The following RTN1 variants were observed in gnomAD, a reference collection of about 807,000 sequenced individuals.
The protein encoded by RTN1 is reticulon-1.
RTN1 carries 25 observed loss-of-function variants against 65.5 expected under a neutral mutation model. That is an observed-to-expected ratio of 0.38 (90% CI 0.28 to 0.53). The LOEUF is 0.53. Among genes scored for constraint, RTN1 ranks in the 20% least tolerant of loss-of-function variants. The pLI, the probability that RTN1 is intolerant of heterozygous loss-of-function variation, is 0.79. For missense variants in RTN1, 983 were observed against 1,025.4 expected, an observed-to-expected ratio of 0.96 and a Z score of 0.57; for synonymous variants, 471 against 447.6, an observed-to-expected ratio of 1.05 and a Z score of -0.66.
intron 1 of RTN1, among the ~76,000 whole-genome samples, chr14:59,820,006 G>A (rs1886911341): frequency 6.6e-6 from 1 of 152,234 alleles, no homozygotes; most frequent in African/African-American, 2.4e-5. Flanking sequence ...TGCAGCGGTG[G>A]GCTGAAGGGC....
chr14:59,838,410 A>G (rs1222258814), intron 1 of RTN1, among the ~76,000 whole-genome samples: 4 of 152,196 alleles, frequency 2.6e-5, no homozygotes, highest in African/African-American at 7.2e-5. Context: ...ACAACCACGT[A>G]TAGGAATGTT....
intron 1 of RTN1, among the ~76,000 whole-genome samples, chr14:59,832,542 C>T (rs1006709346): frequency 1.3e-5 from 2 of 152,176 alleles, no homozygotes; most frequent in Admixed American, 1.3e-4. Context: ...TTTATTTTTC[C>T]TCATCATCTG....
chr14:59,819,503 C>CCACCCCCT (rs1306133907), intron 1 of RTN1, among the ~76,000 whole-genome samples: 2 of 147,834 alleles, frequency 1.4e-5, no homozygotes, highest in African/African-American at 5.0e-5. Flanking sequence ...CTCCAAGCCC[C>CCACCCCCT]CACCCCCTCA....
chr14:59,774,655 A>G lies in RTN1; in HGVS notation c.242-28174T>C, dbSNP rs1886017409. ...AATTTTCATTTGGAATCTCATATTT[A>G]TATGTGTATTCTTAATGTTCCTTTC... On this transcript the variant is annotated intron_variant, in intron 1 of 8. Coordinates refer to ENST00000267484, the MANE Select transcript of RTN1 (RefSeq NM_021136.3). This position sits in a 1 kb window ranked among gnomAD's most constrained non-coding sequence, Gnocchi z 5.1. Among the ~76,000 whole-genome samples the G allele has an allele frequency of 1.3e-5, 2 of 149,672 alleles. No individual in the cohort carries two copies. Among genetic ancestry groups the G allele is most frequent in the Non-Finnish European group, 2.9e-5 (2 of 67,992 alleles).
chr14:59,675,638 A>G lies in RTN1; in HGVS notation c.1765+51281T>C, dbSNP rs989591. On this transcript the variant is annotated intron_variant, in intron 3 of 8. Transcript: ENST00000267484. ...AAATTATTATTAAATCATTATTTCT[A>G]CTTCACAGATGAGGAGCCTAAGATT... Among the ~76,000 whole-genome samples, 534 of 151,506 alleles carry G rather than the reference A, an allele frequency of 3.5e-3. 3 individuals carry two copies. Among genetic ancestry groups the G allele is most frequent in the African/African-American group, 0.012 (517 of 41,416 alleles).
At chr14:59,665,873 C>T (rs7160418) in intron 3 of RTN1, among the ~76,000 whole-genome samples, 121,473 of 152,108 alleles carry the variant, frequency 0.8, 48,621 homozygotes, top group Admixed American at 0.86. Flanking sequence ...AAGGGATCAA[C>T]GCAACAAGAA....
chr14:59,658,379 G>C (rs941586730), intron 3 of RTN1, among the ~76,000 whole-genome samples: 62 of 87,922 alleles, frequency 7.1e-4, no homozygotes, highest in African/African-American at 2.8e-3. Flanking sequence ...CAGTGCTCCA[G>C]CTCTGCTAAG....
chr14:59,662,408 G>A (rs1475790080), intron 3 of RTN1, among the ~76,000 whole-genome samples: 3 of 150,320 alleles, frequency 2.0e-5, no homozygotes, highest in Non-Finnish European at 4.4e-5. Context: ...AGAACATGCG[G>A]TGTTTGTTTT....
intron 3 of RTN1, among the ~76,000 whole-genome samples, chr14:59,624,388 T>C (rs1882335514): frequency 6.6e-6 from 1 of 152,136 alleles, no homozygotes; most frequent in Non-Finnish European, 1.5e-5. Flanking sequence ...GAATCATTAA[T>C]GTCAAATTCC....
chr14:59,697,231 C>T (rs1884081537), intron 3 of RTN1, among the ~76,000 whole-genome samples: 1 of 152,136 alleles, frequency 6.6e-6, no homozygotes, highest in Admixed American at 6.5e-5. Flanking sequence ...TTCACTTCTC[C>T]CAGATAATTA....
chr14:59,656,257 T>TG (rs1164647084), intron 3 of RTN1, among the ~76,000 whole-genome samples: 4 of 151,482 alleles, frequency 2.6e-5, no homozygotes, highest in Non-Finnish European at 4.4e-5. Flanking sequence ...AGGGTTTCTT[T>TG]GGGGGGTAAT....
chr14:59,805,024 G>T (rs1886611985), intron 1 of RTN1, among the ~76,000 whole-genome samples: 1 of 152,132 alleles, frequency 6.6e-6, no homozygotes, highest in South Asian at 2.1e-4. Context: ...TTCACATGGG[G>T]TGATATTCAA....
intron 4 of RTN1, chr14:59,605,784 C>G (rs1235033698): frequency 3.3e-6 from 1 of 301,558 alleles, no homozygotes; most frequent in Non-Finnish European, 6.1e-6. Flanking sequence ...GAGAAACCAG[C>G]TGGGACCAGA....
At chr14:59,768,760 C>A (rs1047152035) in intron 1 of RTN1, among the ~76,000 whole-genome samples, 2 of 152,140 alleles carry the variant, frequency 1.3e-5, no homozygotes, top group African/African-American at 4.8e-5. Flanking sequence ...CTAAGGATGA[C>A]AATAGCTACA....
intron 1 of RTN1, among the ~76,000 whole-genome samples, chr14:59,859,465 G>T (rs1310954427): frequency 6.6e-6 from 1 of 152,122 alleles, no homozygotes. Context: ...TTTGTAAATT[G>T]CCCAGTCTCA....
At chr14:59,862,932 G>T (rs1887735482) in intron 1 of RTN1, among the ~76,000 whole-genome samples, 1 of 152,032 alleles carries the variant, frequency 6.6e-6, no homozygotes, top group Non-Finnish European at 1.5e-5. Context: ...TGATAAAATA[G>T]AAGCAGTTAA....
At position 59,745,997 on chromosome 14, in the gene RTN1, T is replaced by C; in HGVS notation, c.726A>G (p.Pro242=). ...TGATGATTTTTCCCTCCACAGGAGC[T>C]GGTTTGTCAGGTTCACGGACTCCTT... ...KPEGVREPDK[P]APVEGKIIKD... The change falls in exon 2 of 9, where the codon CCA becomes CCG. Residue 242 remains proline (P), a synonymous_variant. Coordinates refer to ENST00000267484, the MANE Select transcript of RTN1 (RefSeq NM_021136.3). 6.2e-7 allele frequency: 1 copy of C among 1,614,178 alleles called. No homozygotes were observed. Among genetic ancestry groups the C allele is most frequent in the Non-Finnish European group, 8.5e-7 (1 of 1,180,018 alleles).
At chr14:59,749,570 TA>T (rs1566712196) in intron 1 of RTN1, among the ~76,000 whole-genome samples, 7 of 45,516 alleles carry the variant, frequency 1.5e-4, no homozygotes, top group African/African-American at 1.4e-3. Flanking sequence ...TATATATAGA[TA>T]TATATATATA....
At chr14:59,668,964 G>A (rs909113302) in intron 3 of RTN1, among the ~76,000 whole-genome samples, 3 of 151,988 alleles carry the variant, frequency 2.0e-5, no homozygotes, top group African/African-American at 4.8e-5. Context: ...AACAGATGCT[G>A]GAGAGGATGT....
Sources: gnomAD v4.1 joint callset for allele counts (sites outside exome capture counted in the v4.1 genomes callset) on GRCh38, gnomAD v4.1.1 for gene constraint, Gnocchi (gnomAD v3.1) non-coding constraint, MANE v1.5 for transcripts, NCBI Gene and HGNC (gene_info 2026-07-23, HGNC 2026-07-21) for gene names.